FSHR: variants seen among roughly 807,000 people sequenced by gnomAD.
FSHR encodes follicle stimulating hormone receptor.
In FSHR, 46 loss-of-function variants were observed where a neutral mutation model predicts 52.1. The ratio of observed to expected loss-of-function variants is 0.88; its 90% CI spans 0.70 to 1.13. The LOEUF (loss-of-function observed/expected upper bound fraction) is 1.13, where lower values mean the gene tolerates loss of function less well. Ranked by LOEUF, FSHR falls within the 50% of genes most tolerant of loss-of-function variation. The pLI, the probability that FSHR is intolerant of heterozygous loss-of-function variation, is 0.00. For synonymous variants in FSHR, 399 were observed against 309.6 expected (o/e 1.29, Z -3.03); for missense variants, 964 against 834.6 (o/e 1.16, Z -1.91).
intron 6 of FSHR, 106 bp from the exon 7 acceptor site, chr2:48,983,272 A>T (rs1323383021): frequency 5.1e-6 from 5 of 987,476 alleles, no homozygotes; most frequent in South Asian, 1.3e-5. Flanking sequence ...GGTTAGTGGC[A>T]TAAAGAAAAT....
intron 3 of FSHR, among the ~76,000 whole-genome samples, 189 bp downstream of exon 3, chr2:49,019,897 C>T (rs1220401752): frequency 1.3e-5 from 2 of 152,198 alleles, no homozygotes; most frequent in Non-Finnish European, 2.9e-5. Context: ...TGAGACTAGG[C>T]TCTGAGCTGG....
At chr2:49,032,203 T>A (rs184997544) in intron 2 of FSHR, among the ~76,000 whole-genome samples, 2 of 152,304 alleles carry the variant, frequency 1.3e-5, no homozygotes, top group East Asian at 3.9e-4. Flanking sequence ...ATTAAGACAT[T>A]TTCCTTTCTC....
intron 1 of FSHR, among the ~76,000 whole-genome samples, chr2:49,092,549 T>C (rs1417333011): frequency 2.6e-5 from 4 of 152,246 alleles, no homozygotes; most frequent in Non-Finnish European, 5.9e-5. Context: ...AGAATAGATA[T>C]TGGATTATTT....
At chr2:49,027,900 G>A (rs534003105) in intron 2 of FSHR, among the ~76,000 whole-genome samples, 16 of 151,866 alleles carry the variant, frequency 1.1e-4, no homozygotes, top group African/African-American at 1.4e-4. Context: ...AGATTTTCTG[G>A]AGGTAGAGTC....
At chr2:49,121,683 C>G (rs1671821618) in intron 1 of FSHR, among the ~76,000 whole-genome samples, 1 of 152,190 alleles carries the variant, frequency 6.6e-6, no homozygotes, top group Admixed American at 6.5e-5. Flanking sequence ...TAGACAGCAG[C>G]TCAAGGAAGA....
intron 8 of FSHR, among the ~76,000 whole-genome samples, chr2:48,980,009 T>C (rs181023011): frequency 1.3e-4 from 20 of 152,282 alleles, no homozygotes; most frequent in African/African-American, 4.8e-4. Context: ...GATGGTTTAG[T>C]GTATCTGGAT....
intron 1 of FSHR, among the ~76,000 whole-genome samples, chr2:49,136,942 G>A (rs377109475): frequency 6.1e-4 from 93 of 152,238 alleles, no homozygotes; most frequent in African/African-American, 2.2e-3. Context: ...TTTTCCTTAA[G>A]ATCAGGACCA....
chr2:49,049,571 A>G (rs1032242241), intron 2 of FSHR, among the ~76,000 whole-genome samples: 1 of 152,090 alleles, frequency 6.6e-6, no homozygotes, highest in Non-Finnish European at 1.5e-5. Context: ...TCTACCAAGC[A>G]AGGGAGCATC....
chr2:49,071,333 A>T (rs1669719576), intron 1 of FSHR, among the ~76,000 whole-genome samples: 1 of 152,158 alleles, frequency 6.6e-6, no homozygotes, highest in Non-Finnish European at 1.5e-5. Context: ...AAAAATATAG[A>T]CTATCTTCAA....
At chr2:49,064,627 C>T (rs1006510374) in intron 2 of FSHR, among the ~76,000 whole-genome samples, 2 of 151,952 alleles carry the variant, frequency 1.3e-5, no homozygotes, top group Admixed American at 6.6e-5. Flanking sequence ...GACTAAGATA[C>T]CAGGGAAAGA....
intron 1 of FSHR, among the ~76,000 whole-genome samples, chr2:49,153,080 A>T (rs2103866695): frequency 6.6e-6 from 1 of 152,316 alleles, no homozygotes; most frequent in East Asian, 1.9e-4. Flanking sequence ...AAGACTTGAG[A>T]TGTTAAGGGG....
chr2:48,973,139 A>G (rs1674817549), intron 8 of FSHR, among the ~76,000 whole-genome samples: 1 of 152,190 alleles, frequency 6.6e-6, no homozygotes. Flanking sequence ...CAGAGTCTTC[A>G]GCTGCCATGA....
At chr2:49,015,418 A>G (rs1667450300) in intron 4 of FSHR, among the ~76,000 whole-genome samples, 1 of 152,206 alleles carries the variant, frequency 6.6e-6, no homozygotes, top group South Asian at 2.1e-4. Flanking sequence ...TAATTATTCT[A>G]CAAATACATT....
At chr2:49,118,939 T>C (rs1409104595) in intron 1 of FSHR, among the ~76,000 whole-genome samples, 12 of 152,224 alleles carry the variant, frequency 7.9e-5, no homozygotes, top group Admixed American at 6.5e-4. Context: ...CTATGTACTT[T>C]TTGCTTTGCA....
chr2:49,071,185 T>C (rs1406101403), intron 1 of FSHR, among the ~76,000 whole-genome samples: 1 of 152,146 alleles, frequency 6.6e-6, no homozygotes, highest in Non-Finnish European at 1.5e-5. Context: ...AAATCTTTCA[T>C]AACTTATAAA....
chr2:49,038,626 AAATAATAATAATAAT>A (rs56326531), intron 2 of FSHR, among the ~76,000 whole-genome samples: 28 of 70,620 alleles, frequency 4.0e-4, no homozygotes, highest in African/African-American at 1.2e-3. Flanking sequence ...CTCTGTCTCA[AAATAATAATAATAAT>A]AATAATAATA....
At chr2:49,090,838 AT>A (rs2103689530) in intron 1 of FSHR, among the ~76,000 whole-genome samples, 1 of 152,166 alleles carries the variant, frequency 6.6e-6, no homozygotes, top group African/African-American at 2.4e-5. Flanking sequence ...TGTGGTTTTA[AT>A]TAGTTACGTA....
At chr2:49,129,480 G>A (rs922278053) in intron 1 of FSHR, among the ~76,000 whole-genome samples, 1 of 152,178 alleles carries the variant, frequency 6.6e-6, no homozygotes, top group Non-Finnish European at 1.5e-5. Flanking sequence ...GTGCTTCTCT[G>A]TGTGCAGGGC....
intron 4 of FSHR, among the ~76,000 whole-genome samples, chr2:48,994,496 C>T (rs1675930798): frequency 6.6e-6 from 1 of 152,064 alleles, no homozygotes; most frequent in South Asian, 2.1e-4. Flanking sequence ...GATCTAGTGA[C>T]CATCTAGTGA....
Sources: allele counts gnomAD v4.1 joint callset (sites outside exome capture counted in the v4.1 genomes callset), GRCh38; gene constraint gnomAD v4.1.1; transcripts MANE v1.5; gene names NCBI Gene and HGNC (gene_info 2026-07-23, HGNC 2026-07-21).